KIF15: variants seen among roughly 807,000 people sequenced by gnomAD.
KIF15 encodes the protein kinesin-like protein KIF15.
In KIF15, 140 loss-of-function variants were observed where a neutral mutation model predicts 190.6. That is an observed-to-expected ratio of 0.73 (90% confidence interval 0.64 to 0.84). The LOEUF (loss-of-function observed/expected upper bound fraction) is 0.84, where lower values mean the gene tolerates loss of function less well. Among genes scored for constraint, KIF15 ranks in the 40% least tolerant of loss-of-function variants. KIF15 has a pLI of 0.00. For missense variants in KIF15, 1,372 were observed against 1,584.4 expected (o/e 0.87, Z 2.28); for synonymous variants, 528 against 551.3 (o/e 0.96, Z 0.59).
At chr3:44,778,248 C>A in intron 4 of KIF15, 57 bp downstream of exon 4, 1 of 1,328,706 alleles carries the variant, frequency 7.5e-7, no homozygotes, top group Non-Finnish European at 1.1e-6. Context: ...TTTCCTGTTG[C>A]TGTTGTAACA....
At chr3:44,861,666 G>A (rs954881544) in intron 6 of KIF15, among the ~76,000 whole-genome samples, 2 of 152,252 alleles carry the variant, frequency 1.3e-5, no homozygotes, top group Non-Finnish European at 2.9e-5. Flanking sequence ...AGCGTCCACA[G>A]TACCCGGCTT....
chr3:44,830,794 T>G, intron 25 of KIF15, 102 bp from the exon 26 acceptor site: 1 of 1,108,908 alleles, frequency 9.0e-7, no homozygotes, highest in Non-Finnish European at 1.3e-6. Context: ...AATTATCTTG[T>G]GTTAATCTTG....
chr3:44,791,428 AT>A (rs2125923809), intron 7 of KIF15, among the ~76,000 whole-genome samples: 1 of 152,244 alleles, frequency 6.6e-6, no homozygotes, highest in African/African-American at 2.4e-5. Context: ...TTTAACAATT[AT>A]TTTGGTTATT....
Position 44,798,031 on chromosome 3 carries a change from G to T in KIF15, c.1098+75G>T, listed in dbSNP as rs371442947. On this transcript the variant is annotated intron_variant, in intron 10 of 34. Transcript: ENST00000326047. ...CTTACAGTATGCCATTTTTGTGATT[G>T]CCCTAATATTAACATTAACTTTTAT... is the stretch of plus-strand genomic sequence containing the variant. 1.4e-4 allele frequency: 186 copies of T among 1,297,116 alleles called. 1 individual carries two copies. The South Asian group carries it at 2.5e-3, about 17-fold the overall frequency. 80.4% of individuals were successfully genotyped at this position (1,297,116 alleles called of 1,614,324 possible).
At chr3:44,789,752 C>T (rs564402830) in intron 7 of KIF15, among the ~76,000 whole-genome samples, 1 of 147,476 alleles carries the variant, frequency 6.8e-6, no homozygotes, top group African/African-American at 2.5e-5. Flanking sequence ...CTTATAGGTT[C>T]TTGGAAACTG....
chr3:44,777,141 T>G (rs1025853339), intron 3 of KIF15, among the ~76,000 whole-genome samples: 1 of 151,804 alleles, frequency 6.6e-6, no homozygotes, highest in Non-Finnish European at 1.5e-5. Flanking sequence ...CATTCCAGGA[T>G]AAATCTCAGT....
chr3:44,829,495 C>T (rs1226240706), intron 24 of KIF15, among the ~76,000 whole-genome samples: 2 of 55,362 alleles, frequency 3.6e-5, no homozygotes, highest in Non-Finnish European at 3.3e-5. Context: ...ATAATATATG[C>T]ATATATAATA....
At chr3:44,849,713 A>T (rs1698993775) in intron 32 of KIF15, among the ~76,000 whole-genome samples, 1 of 152,090 alleles carries the variant, frequency 6.6e-6, no homozygotes, top group Admixed American at 6.5e-5. Flanking sequence ...CATACTACTT[A>T]ACAATAAAAT....
At chr3:44,801,328 G>A (rs911185927) in intron 11 of KIF15, 122 bp from the exon 12 acceptor site, 7 of 572,518 alleles carry the variant, frequency 1.2e-5, no homozygotes, top group Non-Finnish European at 1.9e-5. Context: ...CACTGTGCCC[G>A]GCCACAGTCT....
At position 44,853,068 on chromosome 3, in the gene KIF15, C is replaced by A. The variant is rs1442304392; in HGVS notation, c.*333C>A. On this transcript the variant is annotated 3_prime_UTR_variant, in exon 35 of 35. Transcript: ENST00000326047. ...TTTTCTTCTTAGATTATGCCATAAT[C>A]TCCTTTGATTCTTATGGAAGTTCTA... 1 of 171,562 alleles carries A rather than the reference C, an allele frequency of 5.8e-6. No homozygotes were observed. Among genetic ancestry groups the A allele is most frequent in the Non-Finnish European group, 1.2e-5 (1 of 81,364 alleles). 10.6% of individuals were successfully genotyped at this position (171,562 alleles called of 1,614,324 possible). A position where few individuals can be genotyped will look rare whatever the true frequency, so the allele number is the denominator to read the frequency against.
intron 16 of KIF15, among the ~76,000 whole-genome samples, chr3:44,810,390 T>C (rs1485205248): frequency 6.6e-6 from 1 of 152,076 alleles, no homozygotes; most frequent in Non-Finnish European, 1.5e-5. Flanking sequence ...TAGCTGGGAC[T>C]ACAGGCCTGG....
intron 7 of KIF15, among the ~76,000 whole-genome samples, chr3:44,788,520 T>G (rs1030227725): frequency 2.6e-5 from 4 of 151,976 alleles, no homozygotes; most frequent in African/African-American, 9.7e-5. Context: ...AGTGGCAGAA[T>G]CATGGTTCAC....
At chr3:44,780,067 CTTT>C (rs757687365) in intron 4 of KIF15, among the ~76,000 whole-genome samples, 23 of 123,102 alleles carry the variant, frequency 1.9e-4, no homozygotes, top group Admixed American at 3.5e-4. Flanking sequence ...TAAAATACAA[CTTT>C]TTTTTTTTTT....
chr3:44,808,962 G>A (rs545349373), intron 16 of KIF15, among the ~76,000 whole-genome samples: 1 of 152,298 alleles, frequency 6.6e-6, no homozygotes, highest in Admixed American at 6.5e-5. Flanking sequence ...TTAAGTAGAT[G>A]GTTTCCAGTG....
chr3:44,816,266 A>C (rs1271025629), intron 20 of KIF15, among the ~76,000 whole-genome samples: 3 of 151,858 alleles, frequency 2.0e-5, no homozygotes, highest in Non-Finnish European at 4.4e-5. Flanking sequence ...ATTTTACTTT[A>C]ATTTCTAGGG....
intron 20 of KIF15, among the ~76,000 whole-genome samples, chr3:44,816,742 T>A (rs2125668729): frequency 6.6e-6 from 1 of 152,366 alleles, no homozygotes; most frequent in Admixed American, 6.5e-5. Context: ...TATAATCCTT[T>A]GGGTATATAC....
At chr3:44,821,177 G>T in intron 20 of KIF15, among the ~76,000 whole-genome samples, 1 of 145,780 alleles carries the variant, frequency 6.9e-6, no homozygotes, top group Non-Finnish European at 1.5e-5. Flanking sequence ...CGGGCAGAGG[G>T]GCTCCTCACT....
chr3:44,792,640 G>T (rs907490389), intron 7 of KIF15, among the ~76,000 whole-genome samples: 2 of 150,754 alleles, frequency 1.3e-5, no homozygotes, highest in African/African-American at 4.9e-5. Context: ...TCTACCTCCC[G>T]GGTTCAAGCG....
intron 5 of KIF15, among the ~76,000 whole-genome samples, chr3:44,781,709 A>C (rs1343295096): frequency 6.6e-6 from 1 of 152,196 alleles, no homozygotes; most frequent in East Asian, 1.9e-4. Flanking sequence ...GAAATTGTCA[A>C]TTTAAAAAAT....
Sources: gnomAD v4.1 joint callset for allele counts (sites outside exome capture counted in the v4.1 genomes callset) on GRCh38, gnomAD v4.1.1 for gene constraint, MANE v1.5 for transcripts, NCBI Gene and HGNC (gene_info 2026-07-23, HGNC 2026-07-21) for gene names.